The following TERF2 variants were observed in gnomAD, a reference collection of about 807,000 sequenced individuals.
The protein encoded by TERF2 is telomeric repeat binding factor 2.
In TERF2, 16 loss-of-function variants were observed where a neutral mutation model predicts 56.1. The ratio of observed to expected loss-of-function variants is 0.29; its 90% CI spans 0.19 to 0.43. The LOEUF (loss-of-function observed/expected upper bound fraction) is 0.43. Among genes scored for constraint, TERF2 ranks in the 20% least tolerant of loss-of-function variants. The pLI, the probability that TERF2 is intolerant of heterozygous loss-of-function variation, is 1.00. For synonymous variants in TERF2, 296 were observed against 282.1 expected (o/e 1.05, Z -0.50); for missense variants, 547 against 712.9 (o/e 0.77, Z 2.65).
At chr16:69,366,573 C>A in intron 7 of TERF2, 1 of 517,126 alleles carries the variant, frequency 1.9e-6, no homozygotes, top group South Asian at 3.7e-5. Context: ...GCTCTGAAAC[C>A]TTTCCATTCC....
At chr16:69,364,524 C>T (rs748989094) in intron 7 of TERF2, among the ~76,000 whole-genome samples, 1 of 151,666 alleles carries the variant, frequency 6.6e-6, no homozygotes, top group Non-Finnish European at 1.5e-5. Context: ...TACAGAAATC[C>T]CAGGCCTGGC....
chr16:69,370,333 CT>C (rs2013519354), intron 5 of TERF2, 149 bp downstream of exon 5: 1 of 1,151,778 alleles, frequency 8.7e-7, no homozygotes. Context: ...GCCTGGCCTG[CT>C]TTTGCATTTT....
chr16:69,364,193 A>C (rs1399375090), intron 7 of TERF2, among the ~76,000 whole-genome samples: 1 of 152,054 alleles, frequency 6.6e-6, no homozygotes, highest in African/African-American at 2.4e-5. Flanking sequence ...TGGGAGATAC[A>C]AGATTGGGGC....
chr16:69,384,855 G>A (rs2014131507), intron 2 of TERF2, 145 bp from the exon 3 acceptor site: 1 of 754,534 alleles, frequency 1.3e-6, no homozygotes, highest in Non-Finnish European at 1.9e-6. Flanking sequence ...TTTGCTACAG[G>A]TTGACATACA....
chr16:69,363,838 G>A (rs989670981), intron 7 of TERF2, among the ~76,000 whole-genome samples: 13 of 152,094 alleles, frequency 8.5e-5, no homozygotes, highest in African/African-American at 2.7e-4. Context: ...GCGGTGGCAC[G>A]CACCTGTGGT....
At chr16:69,374,610 G>A (rs1287291595) in intron 3 of TERF2, among the ~76,000 whole-genome samples, 1 of 111,550 alleles carries the variant, frequency 9.0e-6, no homozygotes, top group East Asian at 3.0e-4. Context: ...GCAGTAAAGC[G>A]AGACCCTCTC....
intron 3 of TERF2, among the ~76,000 whole-genome samples, chr16:69,380,709 T>C (rs1333483400): frequency 6.6e-6 from 1 of 151,816 alleles, no homozygotes; most frequent in Non-Finnish European, 1.5e-5. Flanking sequence ...AGATCTTTCA[T>C]CCATGGATGA....
intron 3 of TERF2, among the ~76,000 whole-genome samples, chr16:69,374,372 GT>G (rs1241624589): frequency 3.3e-5 from 5 of 152,058 alleles, no homozygotes; most frequent in African/African-American, 1.2e-4. Flanking sequence ...GCTCATAACT[GT>G]AATCCCAGTG....
intron 8 of TERF2, among the ~76,000 whole-genome samples, chr16:69,359,121 A>G (rs947240522): frequency 1.3e-5 from 2 of 152,240 alleles, no homozygotes; most frequent in Non-Finnish European, 2.9e-5. Context: ...GACCACCGTC[A>G]CCATATATGC....
chr16:69,367,226 T>A (rs574783684), intron 6 of TERF2, 27 bp from the exon 7 acceptor site: 4 of 1,572,362 alleles, frequency 2.5e-6, no homozygotes, highest in Non-Finnish European at 3.5e-6. Context: ...GGCACAAAGA[T>A]GTTTTTCACC....
At chr16:69,376,476 A>C (rs973975893) in intron 3 of TERF2, among the ~76,000 whole-genome samples, 3 of 152,118 alleles carry the variant, frequency 2.0e-5, no homozygotes, top group African/African-American at 7.2e-5. Flanking sequence ...TTTTTCTTTC[A>C]ATATAACACT....
intron 5 of TERF2, chr16:69,370,216 A>G (rs1022458732): frequency 2.3e-6 from 1 of 439,710 alleles, no homozygotes; most frequent in Non-Finnish European, 4.0e-6. Context: ...TTTTTAGTAG[A>G]GATGGGGTTT....
intron 7 of TERF2, chr16:69,366,163 T>TG (rs1262420860): frequency 6.6e-6 from 1 of 152,154 alleles, no homozygotes; most frequent in Non-Finnish European, 1.5e-5. Context: ...CGGTCCACTG[T>TG]GGGGAATGAG....
chr16:69,374,541 G>A (rs759723573), intron 3 of TERF2, among the ~76,000 whole-genome samples: 2 of 149,336 alleles, frequency 1.3e-5, no homozygotes, highest in South Asian at 2.1e-4. Flanking sequence ...AGGATCACCC[G>A]AGCCCAGGAA....
intron 3 of TERF2, among the ~76,000 whole-genome samples, chr16:69,380,230 T>A (rs1049454528): frequency 1.3e-5 from 2 of 152,142 alleles, no homozygotes; most frequent in Non-Finnish European, 1.5e-5. Context: ...AAGGCATTTT[T>A]AAAAATCTGG....
intron 7 of TERF2, among the ~76,000 whole-genome samples, chr16:69,361,913 C>T (rs143216637): frequency 2.2e-3 from 213 of 97,518 alleles, no homozygotes; most frequent in Non-Finnish European, 7.3e-4. Flanking sequence ...TTCAAGCTCA[C>T]GGCGCCTTTC....
rs78277566 is a variant in TERF2 at position 69,373,339 on chromosome 16, G to T, written c.607-984C>A. Among the ~76,000 whole-genome samples the T allele has an allele frequency of 4.7e-3, 717 of 152,126 alleles. 11 individuals are homozygous for T. The highest frequency in any genetic ancestry group is 0.015 in the African/African-American group (641 of 41,492). On this transcript the variant is annotated intron_variant, in intron 3 of 9. Transcript: ENST00000254942. The stretch of plus-strand genomic sequence containing the variant: ...GTCCTTCCATAAAGAAACCTCAAGA[G>T]AATGAGGTTCTCTTGAGGAAAAATA...
At chr16:69,371,917 A>T (rs1000881535) in intron 4 of TERF2, among the ~76,000 whole-genome samples, 2 of 152,216 alleles carry the variant, frequency 1.3e-5, no homozygotes, top group Non-Finnish European at 2.9e-5. Flanking sequence ...TGTCCTCACC[A>T]AAGAAGTTTC....
At chr16:69,368,542 T>C in intron 5 of TERF2, 60 bp from the exon 6 acceptor site, 2 of 1,601,026 alleles carry the variant, frequency 1.2e-6, no homozygotes, top group Non-Finnish European at 1.7e-6. Flanking sequence ...AATTCTCTGC[T>C]TCTTTCACCA....
Sources: gnomAD v4.1 joint callset for allele counts (sites outside exome capture counted in the v4.1 genomes callset) on GRCh38, gnomAD v4.1.1 for gene constraint, MANE v1.5 for transcripts, NCBI Gene and HGNC (gene_info 2026-07-23, HGNC 2026-07-21) for gene names.